HLCS: variants seen among roughly 807,000 people sequenced by gnomAD.
The protein encoded by HLCS is biotin--protein ligase.
Under a neutral mutation model 75.0 loss-of-function variants are expected in HLCS, and 53 were observed. The ratio of observed to expected loss-of-function variants is 0.71; its 90% CI spans 0.57 to 0.89. The LOEUF (loss-of-function observed/expected upper bound fraction) is 0.89, where lower values mean the gene tolerates loss of function less well. Among genes scored for constraint, HLCS ranks in the 40% least tolerant of loss-of-function variants. The pLI is 0.00. For synonymous variants in HLCS, 431 were observed against 428.6 expected (o/e 1.01, Z -0.07); for missense variants, 966 against 1,074.0 (o/e 0.90, Z 1.41).
intron 5 of HLCS, among the ~76,000 whole-genome samples, chr21:36,901,732 C>G (rs2065245346): frequency 6.6e-6 from 1 of 152,172 alleles, no homozygotes; most frequent in Non-Finnish European, 1.5e-5. Context: ...CTGAGGACAG[C>G]AGTCGTACTG....
At chr21:36,897,281 G>T in intron 5 of HLCS, 150 bp from the exon 6 acceptor site, 2 of 733,820 alleles carry the variant, frequency 2.7e-6, no homozygotes, top group Non-Finnish European at 4.6e-6. Context: ...ACATCTAAAC[G>T]ATTAGACAAT....
At chr21:36,882,627 T>C (rs979404695) in intron 6 of HLCS, among the ~76,000 whole-genome samples, 2 of 147,596 alleles carry the variant, frequency 1.4e-5, no homozygotes. Context: ...TTTCTTTTTT[T>C]TTTTTTTTTT....
chr21:36,863,024 G>A (rs1486348294), intron 6 of HLCS, among the ~76,000 whole-genome samples: 1 of 148,722 alleles, frequency 6.7e-6, no homozygotes, highest in Non-Finnish European at 1.5e-5. Flanking sequence ...TCAGCTTCCC[G>A]AATAGCTGGG....
At chr21:36,966,820 C>CGGGAGGGGCG (rs1555974561), upstream of HLCS, among the ~76,000 whole-genome samples, 148 of 87,554 alleles carry the variant, frequency 1.7e-3, 2 homozygotes, top group African/African-American at 6.7e-3. Flanking sequence ...GCGGGAGGGG[C>CGGGAGGGGCG]GGGGGGGGGT....
In HLCS at chr21:36,749,737, G is replaced by A. The variant is rs1188850090; in HGVS notation, c.*4509C>T. The A allele has an allele frequency of 6.6e-6, 1 of 152,156 alleles. No homozygotes were observed. The highest frequency in any genetic ancestry group is 1.5e-5 in the Non-Finnish European group (1 of 68,036). 9.4% of individuals were successfully genotyped at this position (152,156 alleles called of 1,614,324 possible). ...AATTAAACCGTGATTCTTGAAAGGT[G>A]TAGGTTTGATTACTAGGAGATACCA... On this transcript the variant is annotated 3_prime_UTR_variant, in exon 11 of 11. Coordinates refer to ENST00000674895, the MANE Select transcript of HLCS (RefSeq NM_001352514.2).
chr21:36,828,573 C>T (rs939617996), intron 6 of HLCS, among the ~76,000 whole-genome samples: 14 of 152,130 alleles, frequency 9.2e-5, no homozygotes, highest in Admixed American at 4.6e-4. Flanking sequence ...ATACATAATA[C>T]CATATTTTCA....
chr21:36,824,955 C>A (rs889665229), intron 6 of HLCS, among the ~76,000 whole-genome samples: 3 of 152,198 alleles, frequency 2.0e-5, no homozygotes, highest in South Asian at 2.1e-4. Flanking sequence ...CACTCACTTG[C>A]GACCTTGTTT....
intron 5 of HLCS, among the ~76,000 whole-genome samples, chr21:36,914,523 G>T (rs766920803): frequency 1.3e-5 from 2 of 152,166 alleles, no homozygotes; most frequent in Non-Finnish European, 2.9e-5. Context: ...AAAGGCCCAG[G>T]ATTTACTGCA....
intron 1 of HLCS, among the ~76,000 whole-genome samples, chr21:36,965,108 G>A (rs776777672): frequency 1.2e-4 from 18 of 152,146 alleles, no homozygotes; most frequent in Non-Finnish European, 5.9e-5. Flanking sequence ...TACATATATG[G>A]TACTAACAAG....
At position 36,962,279 on chromosome 21, in the gene HLCS, A is replaced by G. The variant is rs1323146954; in HGVS notation, c.196-109T>C. The G allele has an allele frequency of 5.7e-6, 4 of 703,846 alleles. No homozygotes were observed. The East Asian group carries it at 2.6e-4, about 47-fold the overall frequency. 43.6% of individuals were successfully genotyped at this position (703,846 alleles called of 1,614,324 possible). A position where few individuals can be genotyped will look rare whatever the true frequency, so the allele number is the denominator to read the frequency against. On this transcript the variant is annotated intron_variant, in intron 1 of 10. Coordinates refer to ENST00000674895, the MANE Select transcript of HLCS (RefSeq NM_001352514.2). ...TCCCCTATAATTCCAAGTGACATGG[A>G]AATAAGCTTATCTGATGCTCCTCTG...
intron 9 of HLCS, among the ~76,000 whole-genome samples, chr21:36,758,090 ACTTT>A (rs2089675330): frequency 6.6e-6 from 1 of 152,060 alleles, no homozygotes; most frequent in South Asian, 2.1e-4. Flanking sequence ...TCATTCCCCT[ACTTT>A]ATTTTTTATT....
upstream of HLCS, among the ~76,000 whole-genome samples, chr21:36,970,188 A>G (rs921075451): frequency 6.6e-6 from 1 of 152,228 alleles, no homozygotes; most frequent in East Asian, 1.9e-4. Flanking sequence ...CTTGGAGAGC[A>G]TTCAGAATTC....
intron 6 of HLCS, among the ~76,000 whole-genome samples, chr21:36,801,698 T>G (rs139770158): frequency 0.015 from 2,315 of 152,316 alleles, 56 homozygotes; most frequent in African/African-American, 0.053. Context: ...GCACAAAAAT[T>G]TAGCAAAACT....
chr21:36,816,389 C>T (rs2061664623), intron 6 of HLCS, among the ~76,000 whole-genome samples: 1 of 132,838 alleles, frequency 7.5e-6, no homozygotes, highest in Non-Finnish European at 1.6e-5. Context: ...AAGGAAGACC[C>T]TATCTCAAAA....
rs1270512017 is a variant in HLCS, at chr21:36,979,095, C to G, written c.-393+11063G>C. On this transcript the variant is annotated intron_variant, in intron 1 of 11. Transcript: ENST00000336648. ...CCATCCTGGCTAACACAGTGAAACC[C>G]CGTCTCTACTAAAAATTCAAAAAAA... Among the ~76,000 whole-genome samples, 3 of 152,026 alleles carry G rather than the reference C, an allele frequency of 2.0e-5. No homozygotes were observed. In the South Asian group the frequency reaches 6.2e-4, roughly 32 times the overall value.
At chr21:36,773,518 G>A (rs1039031146) in intron 6 of HLCS, among the ~76,000 whole-genome samples, 2 of 152,280 alleles carry the variant, frequency 1.3e-5, no homozygotes, top group African/African-American at 4.8e-5. Flanking sequence ...CATGGGGTGG[G>A]TGTGAGGCGA....
intron 8 of HLCS, among the ~76,000 whole-genome samples, chr21:36,763,877 G>C (rs1281408536): frequency 6.6e-6 from 1 of 152,202 alleles, no homozygotes; most frequent in African/African-American, 2.4e-5. Flanking sequence ...TAAGGAAGCA[G>C]GCACACGGGT....
chr21:36,983,694 C>T (rs1020923333), intron 1 of HLCS, among the ~76,000 whole-genome samples: 10 of 151,310 alleles, frequency 6.6e-5, no homozygotes, highest in South Asian at 2.1e-4. Context: ...AAAATTAGCC[C>T]GGCGTGGTGG....
At chr21:36,959,959 A>C (rs548708260) in intron 2 of HLCS, among the ~76,000 whole-genome samples, 1 of 152,166 alleles carries the variant, frequency 6.6e-6, no homozygotes, top group African/African-American at 2.4e-5. Context: ...AGAAGCCAAG[A>C]TCTAGGGGCT....
Sources: gnomAD v4.1 joint callset for allele counts (sites outside exome capture counted in the v4.1 genomes callset) on GRCh38, gnomAD v4.1.1 for gene constraint, MANE v1.5 for transcripts, NCBI Gene and HGNC (gene_info 2026-07-23, HGNC 2026-07-21) for gene names.